The following SAMD3 variants were observed in gnomAD, a reference collection of about 807,000 sequenced individuals.
SAMD3 encodes the protein sterile alpha motif domain containing 3, also known as sterile alpha motif domain-containing protein 3.
SAMD3 carries 63 observed loss-of-function variants against 58.5 expected under a neutral mutation model. The observed-to-expected ratio is 1.08, with a 90% confidence interval of 0.88 to 1.33. The LOEUF is 1.33. Ranked by LOEUF, SAMD3 falls within the 40% of genes most tolerant of loss-of-function variation. The probability of loss-of-function intolerance (pLI) is 0.00; values close to 1 mark genes in which losing one functional copy is unlikely to be tolerated. For missense variants in SAMD3, 604 were observed against 608.4 expected (o/e 0.99, Z 0.08); for synonymous variants, 220 against 210.3 (o/e 1.05, Z -0.40).
chr6:130,165,821 A>T (rs1790688951), intron 8 of SAMD3, among the ~76,000 whole-genome samples: 1 of 152,204 alleles, frequency 6.6e-6, no homozygotes, highest in Admixed American at 6.5e-5. Flanking sequence ...TTACATCCTG[A>T]TGCTTCAAAT....
chr6:130,204,770 T>C (rs939503182), intron 5 of SAMD3, among the ~76,000 whole-genome samples: 22 of 150,988 alleles, frequency 1.5e-4, no homozygotes, highest in African/African-American at 4.9e-4. Context: ...CAGGCCTTTT[T>C]TTTTTTTTTT....
At chr6:130,162,171 T>A (rs1370966400) in intron 8 of SAMD3, 1 of 676,052 alleles carries the variant, frequency 1.5e-6, no homozygotes, top group Admixed American at 2.2e-5. Context: ...TTTGGCAACA[T>A]AGAGTGTGGT....
chr6:130,144,905 T>A (rs1276631153), intron 11 of SAMD3, 101 bp from the exon 12 acceptor site: 5 of 1,102,360 alleles, frequency 4.5e-6, no homozygotes, highest in Non-Finnish European at 6.4e-6. Flanking sequence ...CTTGTTGCAA[T>A]GTAGCATATT....
upstream of SAMD3, among the ~76,000 whole-genome samples, chr6:130,224,765 C>A (rs1005650561): frequency 9.9e-5 from 15 of 151,860 alleles, no homozygotes; most frequent in Non-Finnish European, 1.8e-4. Context: ...ACTACAGGCA[C>A]GTGCCACCAC....
chr6:130,225,096 A>C (rs1485124105), upstream of SAMD3, among the ~76,000 whole-genome samples: 19 of 152,180 alleles, frequency 1.2e-4, no homozygotes, highest in Non-Finnish European at 1.5e-5. Context: ...GTGAGTGAGC[A>C]TGGGGAAGAA....
intron 8 of SAMD3, among the ~76,000 whole-genome samples, chr6:130,158,687 C>T (rs565046163): frequency 4.0e-4 from 61 of 152,256 alleles, no homozygotes; most frequent in African/African-American, 1.5e-3. Flanking sequence ...CACAACAAAG[C>T]CATGAAATAA....
At chr6:130,200,965 G>T (rs1794602916) in intron 5 of SAMD3, among the ~76,000 whole-genome samples, 1 of 151,906 alleles carries the variant, frequency 6.6e-6, no homozygotes. Flanking sequence ...TTCTCATGTT[G>T]GTTGATAGCA....
intron 2 of SAMD3, among the ~76,000 whole-genome samples, chr6:130,295,091 T>C (rs760596244): frequency 1.3e-5 from 2 of 151,996 alleles, no homozygotes; most frequent in Non-Finnish European, 2.9e-5. Context: ...ATCCAGCTAA[T>C]TTTGTATTTT....
upstream of SAMD3, among the ~76,000 whole-genome samples, chr6:130,224,592 T>TTTA (rs147379974): frequency 0.055 from 7,916 of 143,818 alleles, 276 homozygotes; most frequent in Middle Eastern, 0.11. Context: ...ACTCTATTTA[T>TTTA]TTATTATTAT....
chr6:130,227,134 C>A (rs1051452990), upstream of SAMD3, among the ~76,000 whole-genome samples: 7 of 152,184 alleles, frequency 4.6e-5, no homozygotes, highest in African/African-American at 1.7e-4. Context: ...ATTCACCCTG[C>A]AGCCCTAGTC....
chr6:130,237,859 T>C (rs914425741), intron 2 of SAMD3, among the ~76,000 whole-genome samples: 2 of 152,208 alleles, frequency 1.3e-5, no homozygotes, highest in Non-Finnish European at 2.9e-5. Flanking sequence ...GATTTTATGT[T>C]TGTGATTATT....
In SAMD3 at chr6:130,184,611, T is replaced by C. The variant is rs1239140678; in HGVS notation, c.396A>G (p.Lys132=). ...QRVLKQRRNV[K]QILARSKALQ... ...ATGCTTTGCTTCTTGCTAGAATTTG[T>C]TTCACATTTCTTCTGTGAAATAAAA... The change falls in exon 6 of 12, where the codon AAA becomes AAG. Residue 132 remains lysine, a synonymous_variant. Coordinates refer to ENST00000439090, the MANE Select transcript of SAMD3 (RefSeq NM_001017373.4). 2.5e-6 allele frequency: 4 copies of C among 1,607,108 alleles called. No homozygotes were observed. The Admixed American group carries it at 6.8e-5, about 27-fold the overall frequency.
intron 2 of SAMD3, among the ~76,000 whole-genome samples, chr6:130,228,441 C>T (rs908221924): frequency 6.6e-6 from 1 of 152,050 alleles, no homozygotes; most frequent in Non-Finnish European, 1.5e-5. Context: ...CAGAAATGGA[C>T]GGGCACAGGA....
At chr6:130,198,227 A>G (rs1794321393) in intron 5 of SAMD3, among the ~76,000 whole-genome samples, 3 of 152,154 alleles carry the variant, frequency 2.0e-5, no homozygotes, top group Admixed American at 2.0e-4. Flanking sequence ...GCATGAAAAC[A>G]GGGTCTCTGT....
intron 9 of SAMD3, 110 bp from the exon 10 acceptor site, chr6:130,146,291 A>T: frequency 1.8e-6 from 1 of 549,414 alleles, no homozygotes; most frequent in Non-Finnish European, 2.9e-6. Flanking sequence ...GTTTACACTA[A>T]GTACTCAATA....
At chr6:130,284,872 T>C (rs536147966) in intron 2 of SAMD3, among the ~76,000 whole-genome samples, 1 of 152,200 alleles carries the variant, frequency 6.6e-6, no homozygotes, top group Non-Finnish European at 1.5e-5. Flanking sequence ...GAACATTTTA[T>C]ACAATAAGAA....
intron 8 of SAMD3, among the ~76,000 whole-genome samples, chr6:130,168,828 G>A (rs1047250549): frequency 4.6e-5 from 7 of 151,892 alleles, no homozygotes; most frequent in Admixed American, 2.6e-4. Flanking sequence ...CTTGAGACAG[G>A]GTCTGGCTCT....
At chr6:130,323,980 G>A (rs779396179) in intron 1 of SAMD3, among the ~76,000 whole-genome samples, 42 of 152,088 alleles carry the variant, frequency 2.8e-4, no homozygotes, top group Non-Finnish European at 5.4e-4. Context: ...ATATGATGGT[G>A]TGCATGGGAT....
At chr6:130,291,740 T>G (rs536172630) in intron 2 of SAMD3, among the ~76,000 whole-genome samples, 1 of 152,314 alleles carries the variant, frequency 6.6e-6, no homozygotes, top group African/African-American at 2.4e-5. Context: ...TAACTGTGGG[T>G]TTTCCTTTAG....
Sources: allele counts gnomAD v4.1 joint callset (sites outside exome capture counted in the v4.1 genomes callset), GRCh38; gene constraint gnomAD v4.1.1; transcripts MANE v1.5; gene names NCBI Gene and HGNC (gene_info 2026-07-23, HGNC 2026-07-21).